RALY: variants seen among roughly 807,000 people sequenced by gnomAD.
The protein encoded by RALY is RALY heterogeneous nuclear ribonucleoprotein, also known as RNA-binding protein Raly.
RALY carries 15 observed loss-of-function variants against 30.7 expected under a neutral mutation model. That is an observed-to-expected ratio of 0.49 (90% CI 0.33 to 0.75). The LOEUF (loss-of-function observed/expected upper bound fraction) is 0.75, where lower values mean the gene tolerates loss of function less well. Among genes scored for constraint, RALY ranks in the 30% least tolerant of loss-of-function variants. The probability of loss-of-function intolerance (pLI) is 0.02; values close to 1 mark genes in which losing one functional copy is unlikely to be tolerated. For missense variants in RALY, 339 were observed against 414.3 expected (o/e 0.82, Z 1.58); for synonymous variants, 177 against 170.8 (o/e 1.04, Z -0.28).
chr20:33,997,376 A>G (rs2030689948), intron 1 of RALY, among the ~76,000 whole-genome samples: 1 of 152,138 alleles, frequency 6.6e-6, no homozygotes, highest in African/African-American at 2.4e-5. Context: ...TTGGCCTTCC[A>G]AAGTGCTGGG....
rs1480230819 is a variant in RALY at position 34,076,824 on chromosome 20, C to CT, written c.658+10dup. ...GCAAAAGGCCAATCCAGGTCAGCCT[C>CT]TGAGGATTCTCACCCACCTCCATGA... On this transcript the variant is annotated intron_variant, in intron 7 of 9. Coordinates refer to ENST00000246194, the MANE Select transcript of RALY (RefSeq NM_016732.3). 3.7e-6 allele frequency: 6 copies of CT among 1,612,850 alleles called. No homozygotes were observed. The African/African-American group carries it at 6.7e-5, about 18-fold the overall frequency.
At chr20:34,021,259 G>C (rs911154285) in intron 1 of RALY, among the ~76,000 whole-genome samples, 3 of 152,134 alleles carry the variant, frequency 2.0e-5, no homozygotes, top group Non-Finnish European at 4.4e-5. Context: ...CACTGTGCCA[G>C]GCTGAAAGTC....
At chr20:34,040,541 T>C (rs866550641) in intron 2 of RALY, among the ~76,000 whole-genome samples, 4 of 152,234 alleles carry the variant, frequency 2.6e-5, no homozygotes, top group Admixed American at 6.5e-5. Flanking sequence ...CTCACAGCTC[T>C]GATCTGCTGC....
At chr20:34,029,487 A>G (rs1388506315) in intron 1 of RALY, among the ~76,000 whole-genome samples, 3 of 7,694 alleles carry the variant, frequency 3.9e-4, no homozygotes, top group Non-Finnish European at 7.2e-4. Context: ...AAAGGGAGGG[A>G]GGGAGGGAGG....
intron 2 of RALY, among the ~76,000 whole-genome samples, chr20:34,070,479 C>T (rs964171888): frequency 1.3e-5 from 2 of 152,192 alleles, no homozygotes; most frequent in Admixed American, 6.5e-5. Flanking sequence ...GGTGCAGTCT[C>T]ATCTCTAAGC....
intron 6 of RALY, 192 bp downstream of exon 6, chr20:34,076,232 G>A: frequency 1.4e-6 from 1 of 733,814 alleles, no homozygotes. Flanking sequence ...GGTTGTGTTG[G>A]GCACAGAGAG....
intron 2 of RALY, among the ~76,000 whole-genome samples, chr20:34,040,551 C>G (rs1452814979): frequency 6.6e-6 from 1 of 152,234 alleles, no homozygotes; most frequent in Non-Finnish European, 1.5e-5. Flanking sequence ...TGATCTGCTG[C>G]TGGCTGGGGT....
chr20:34,021,532 A>G lies in RALY; in HGVS notation c.-92-9990A>G, dbSNP rs190120641. On this transcript the variant is annotated intron_variant, in intron 1 of 9. Transcript: ENST00000246194. ...ACACTTTCCTGCAGTAATGACATTAATCCATTCATGAAGGCAGAGCCCTCA... is the reference window on the plus strand; with the variant it reads ...ACACTTTCCTGCAGTAATGACATTAGTCCATTCATGAAGGCAGAGCCCTCA... Among the ~76,000 whole-genome samples, 33 of 152,298 alleles carry G rather than the reference A, an allele frequency of 2.2e-4. 1 individual carries two copies. Among genetic ancestry groups the G allele is most frequent in the African/African-American group, 7.5e-4 (31 of 41,568 alleles).
chr20:34,011,998 G>A (rs113277487), intron 1 of RALY, among the ~76,000 whole-genome samples: 27 of 152,208 alleles, frequency 1.8e-4, no homozygotes, highest in African/African-American at 5.8e-4. Flanking sequence ...CCCAGGAGGC[G>A]GAGGCTGCAG....
At chr20:34,077,301 G>A (rs2033920489) in intron 8 of RALY, 56 bp downstream of exon 8, 2 of 1,602,824 alleles carry the variant, frequency 1.2e-6, no homozygotes, top group Non-Finnish European at 1.7e-6. Context: ...ACTCTCAGGA[G>A]GCCAACAGGG....
chr20:33,996,167 G>A (rs1225274021), intron 1 of RALY, among the ~76,000 whole-genome samples: 1 of 152,148 alleles, frequency 6.6e-6, no homozygotes, highest in African/African-American at 2.4e-5. Flanking sequence ...TACTGTGAGG[G>A]AATGGAGACA....
chr20:34,076,665 C>T (rs1477836284), intron 6 of RALY, 37 bp from the exon 7 acceptor site: 2 of 1,565,912 alleles, frequency 1.3e-6, no homozygotes, highest in Middle Eastern at 1.7e-4. Context: ...AGCCTCCAGC[C>T]CCCTAGGTGA....
intron 2 of RALY, among the ~76,000 whole-genome samples, chr20:34,055,650 A>C (rs933717947): frequency 6.6e-6 from 1 of 152,220 alleles, no homozygotes; most frequent in Non-Finnish European, 1.5e-5. Flanking sequence ...TTTTAATACA[A>C]TCTCCTCAGG....
intron 1 of RALY, among the ~76,000 whole-genome samples, chr20:34,008,430 C>T (rs1348624952): frequency 6.6e-6 from 1 of 152,154 alleles, no homozygotes; most frequent in Non-Finnish European, 1.5e-5. Context: ...TTTGCAAAGA[C>T]AAGGAACTTT....
chr20:34,020,653 C>T (rs932125411), intron 1 of RALY, among the ~76,000 whole-genome samples: 4 of 152,188 alleles, frequency 2.6e-5, no homozygotes, highest in Non-Finnish European at 4.4e-5. Context: ...TGGAACACAG[C>T]CACACTCATT....
intron 2 of RALY, among the ~76,000 whole-genome samples, chr20:34,058,203 G>A (rs2033311074): frequency 6.6e-6 from 1 of 152,094 alleles, no homozygotes; most frequent in African/African-American, 2.4e-5. Flanking sequence ...AGTTCACTAG[G>A]CATTGGGTGT....
chr20:34,057,264 T>C (rs147742601), intron 2 of RALY, among the ~76,000 whole-genome samples: 2 of 152,342 alleles, frequency 1.3e-5, no homozygotes, highest in East Asian at 3.9e-4. Context: ...CTAACAGTTA[T>C]GTCCCATAGA....
chr20:34,072,372 T>A (rs764116732), intron 3 of RALY, 42 bp downstream of exon 3: 4 of 1,582,018 alleles, frequency 2.5e-6, no homozygotes, highest in Non-Finnish European at 3.4e-6. Flanking sequence ...TTCTCTAGAA[T>A]AGCTGCTATC....
At chr20:34,023,575 G>A (rs944559093) in intron 1 of RALY, among the ~76,000 whole-genome samples, 1 of 152,144 alleles carries the variant, frequency 6.6e-6, no homozygotes, top group African/African-American at 2.4e-5. Flanking sequence ...GCTTTAGTTC[G>A]AGGGGGTGGG....
Sources: gnomAD v4.1 joint callset for allele counts (sites outside exome capture counted in the v4.1 genomes callset) on GRCh38, gnomAD v4.1.1 for gene constraint, MANE v1.5 for transcripts, NCBI Gene and HGNC (gene_info 2026-07-23, HGNC 2026-07-21) for gene names.